Variants in C8orf48 observed in about 807,000 individuals in gnomAD.
C8orf48 encodes uncharacterized protein C8orf48.
For missense variants in C8orf48, 580 were observed against 363.3 expected (o/e 1.60, Z -4.85); for synonymous variants, 188 against 138.2 (o/e 1.36, Z -2.53).
chr8:13,568,217 A>G lies in C8orf48; in HGVS notation c.*266A>G, dbSNP rs1463358945. 1.2e-5 allele frequency: 4 copies of G among 329,612 alleles called. No homozygotes were observed. The East Asian group carries it at 1.8e-4, about 14-fold the overall frequency. 20.4% of individuals were successfully genotyped at this position (329,612 alleles called of 1,614,324 possible). The stretch of plus-strand genomic sequence containing the variant: ...TAGTATGGGGATGTAAGAGAAACTT[A>G]AAAAGTAATAACTGTCTTTGGCGAT... On this transcript the variant is annotated 3_prime_UTR_variant, in exon 1 of 1. Coordinates refer to ENST00000297324, the MANE Select transcript of C8orf48 (RefSeq NM_001007090.3).
In C8orf48 at chr8:13,567,584, A is replaced by T. The variant is rs778316337; in HGVS notation, c.593A>T (p.Gln198Leu). 5.8e-6 allele frequency: 9 copies of T among 1,551,666 alleles called. No homozygotes were observed. In the East Asian group the frequency reaches 2.2e-4, roughly 38 times the overall value. ...EAAAKQHISY[Q>L]CPYCNRKRAE... ...GCAGCTAAGCAACACATATCTTATCAGTGTCCCTATTGTAACAGGAAAAGA... is the reference window on the plus strand; with the variant it reads ...GCAGCTAAGCAACACATATCTTATCTGTGTCCCTATTGTAACAGGAAAAGA... Residue 198 changes from glutamine to leucine, a missense_variant, in exon 1 of 1, where the codon CAG (glutamine) becomes CTG (leucine). Physicochemically the swap from Gln to Leu is moderately radical, Grantham distance 113 (BLOSUM62 -2). Transcript: ENST00000297324.
In C8orf48 at chr8:13,567,120, A is replaced by G. The variant is rs533439710; in HGVS notation, c.129A>G (p.Gly43=). ...CCAGCTCATTCAGCTCCTCTGGAGG[A>G]CGGCAGTCCTCGCCCCTGACCTCTG... ...QTSSSFSSSG[G]RQSSPLTSGS... is the part of the protein sequence containing the mutation. Residue 43 remains glycine (G), a synonymous_variant, in exon 1 of 1, where the codon GGA becomes GGG. Transcript: ENST00000297324. 1.8e-5 allele frequency: 28 copies of G among 1,551,746 alleles called. No homozygotes were observed. In the African/African-American group the frequency reaches 3.6e-4, roughly 20 times the overall value.
chr8:13,567,624 G>A lies in C8orf48; in HGVS notation c.633G>A (p.Leu211=). ...YCNRKRAELA[L]SAFLKQKKTL... Reference sequence around the variant, plus strand: ...ACAGGAAAAGAGCGGAGCTGGCCCTGTCTGCCTTTCTGAAACAAAAGAAGA... The same window carrying A: ...ACAGGAAAAGAGCGGAGCTGGCCCTATCTGCCTTTCTGAAACAAAAGAAGA... The change falls in exon 1 of 1, where the codon CTG becomes CTA. Residue 211 remains leucine, a synonymous_variant. Coordinates refer to ENST00000297324, the MANE Select transcript of C8orf48 (RefSeq NM_001007090.3). The A allele has an allele frequency of 6.4e-7, 1 of 1,551,692 alleles. No individual in the cohort carries two copies.
Position 13,567,071 on chromosome 8 carries a change from A to G in C8orf48, c.80A>G (p.Asn27Ser). Residue 27 changes from asparagine (N) to serine (S), a missense_variant, in exon 1 of 1, where the codon AAC becomes AGC. By Grantham distance (46) the Asn-to-Ser change is conservative (BLOSUM62 1). Coordinates refer to ENST00000297324, the MANE Select transcript of C8orf48 (RefSeq NM_001007090.3). ...NLSDETETLK[N>S]STDEVQTSSS... The stretch of plus-strand genomic sequence containing the variant: ...TCTGATGAGACTGAGACTTTGAAGA[A>G]CTCTACTGATGAGGTACAGACTTCC... 1 of 1,551,694 alleles carries G rather than the reference A, an allele frequency of 6.4e-7. No homozygotes were observed. Among genetic ancestry groups the G allele is most frequent in the Non-Finnish European group, 8.7e-7 (1 of 1,146,994 alleles).
rs949471852 is a variant in C8orf48, at chr8:13,567,143, C to G, written c.152C>G (p.Ser51Cys). Residue 51 changes from serine to cysteine, a missense_variant, in exon 1 of 1, where the codon TCT becomes TGT. Physicochemically the swap from Ser to Cys is moderately radical, Grantham distance 112 (BLOSUM62 -1). Transcript: ENST00000297324. Reference protein sequence around the residue: ...SGGRQSSPLTSGSKLEREKQT... With the variant: ...SGGRQSSPLTCGSKLEREKQT... ...GGACGGCAGTCCTCGCCCCTGACCT[C>G]TGGGAGCAAACTGGAGAGGGAAAAG... 11 of 1,551,778 alleles carry G rather than the reference C, an allele frequency of 7.1e-6. No individual in the cohort carries two copies. The highest frequency in any genetic ancestry group is 9.6e-6 in the Non-Finnish European group (11 of 1,147,010).
In C8orf48 at chr8:13,567,387, G is replaced by A. The variant is rs1406761119; in HGVS notation, c.396G>A (p.Leu132=). 6.4e-7 allele frequency: 1 copy of A among 1,551,534 alleles called. No individual in the cohort carries two copies. The highest frequency in any genetic ancestry group is 2.4e-5 in the East Asian group (1 of 40,924). ...CTTATTGCACCATGAAGATAAATTT[G>A]ATTCATCGTAGAGGGGATTCTAAGA... ...LQSYCTMKIN[L]IHRRGDSKKK... Residue 132 remains leucine, a synonymous_variant, in exon 1 of 1, where the codon TTG becomes TTA. Transcript: ENST00000297324.
chr8:13,567,569 A>C lies in C8orf48; in HGVS notation c.578A>C (p.Gln193Pro), dbSNP rs748570647. 2 of 1,551,820 alleles carry C rather than the reference A, an allele frequency of 1.3e-6. No individual in the cohort carries two copies. The highest frequency in any genetic ancestry group is 2.4e-5 in the South Asian group (2 of 84,070). ...TTPKQEAAAK[Q>P]HISYQCPYCN... ...CCAAAACAGGAGGCAGCAGCTAAGCAACACATATCTTATCAGTGTCCCTAT... is the reference window on the plus strand; with the variant it reads ...CCAAAACAGGAGGCAGCAGCTAAGCCACACATATCTTATCAGTGTCCCTAT... The change falls in exon 1 of 1, where the codon CAA (glutamine) becomes CCA (proline). Residue 193 changes from glutamine (Q) to proline (P), a missense_variant. Gln to Pro is a moderately conservative substitution (Grantham distance 76). Coordinates refer to ENST00000297324, the MANE Select transcript of C8orf48 (RefSeq NM_001007090.3).
rs1265066499 is a variant in C8orf48 at position 13,568,264 on chromosome 8, T to C, written c.*313T>C. The C allele has an allele frequency of 4.2e-6, 1 of 238,808 alleles. No homozygotes were observed. Among genetic ancestry groups the C allele is most frequent in the Non-Finnish European group, 8.7e-6 (1 of 114,704 alleles). The allele number at this position is 238,808 out of a possible 1,614,324, so 14.8% of individuals were successfully genotyped here. A position where few individuals can be genotyped will look rare whatever the true frequency, so the allele number is the denominator to read the frequency against. On this transcript the variant is annotated 3_prime_UTR_variant, in exon 1 of 1. Coordinates refer to ENST00000297324, the MANE Select transcript of C8orf48 (RefSeq NM_001007090.3). ...CGATCAAATGGCTATGGGGAATTAA[T>C]AAATAGTAGATGTTTGAAATGTTAT...
In C8orf48 at chr8:13,567,616, C is replaced by G. The variant is rs1554544920; in HGVS notation, c.625C>G (p.Leu209Val). ...CPYCNRKRAE[L>V]ALSAFLKQKK... is the part of the protein sequence containing the mutation. ...CTATTGTAACAGGAAAAGAGCGGAGCTGGCCCTGTCTGCCTTTCTGAAACA... is the reference window on the plus strand; with the variant it reads ...CTATTGTAACAGGAAAAGAGCGGAGGTGGCCCTGTCTGCCTTTCTGAAACA... Residue 209 changes from leucine to valine, a missense_variant, in exon 1 of 1, where the codon CTG becomes GTG. Leu to Val is a conservative substitution (Grantham distance 32). Transcript: ENST00000297324. 4.6e-5 allele frequency: 71 copies of G among 1,551,590 alleles called. 3 individuals carry two copies. In the South Asian group the frequency reaches 8.3e-4, roughly 18 times the overall value.
the C8orf48 span, chr8:13,567,436 AAG>A: frequency 6.4e-7 from 1 of 1,551,994 alleles, no homozygotes; most frequent in Non-Finnish European, 8.7e-7. Flanking sequence ...CAGACATAAA[AAG>A]CTGCATCTTG....
In C8orf48 at chr8:13,567,005, C is replaced by T. The variant is rs1351490270; in HGVS notation, c.14C>T (p.Pro5Leu). The T allele has an allele frequency of 6.5e-7, 1 of 1,548,228 alleles. No homozygotes were observed. Among genetic ancestry groups the T allele is most frequent in the East Asian group, 2.4e-5 (1 of 40,844 alleles). Reference protein sequence around the residue: MAICPELAQTDKSAL... With the variant: MAICLELAQTDKSAL... ...TGATGCATTGTGATGGCCATCTGCCCAGAATTGGCCCAAACGGACAAAAGT... is the reference window on the plus strand; with the variant it reads ...TGATGCATTGTGATGGCCATCTGCCTAGAATTGGCCCAAACGGACAAAAGT... The change falls in exon 1 of 1, where the codon CCA (proline) becomes CTA (leucine). Residue 5 changes from proline to leucine, a missense_variant. Transcript: ENST00000297324.
In C8orf48 at chr8:13,568,145, A is replaced by G; in HGVS notation, c.*194A>G. On this transcript the variant is annotated 3_prime_UTR_variant, in exon 1 of 1. Coordinates refer to ENST00000297324, the MANE Select transcript of C8orf48 (RefSeq NM_001007090.3). ...AAAACTTTTACAAAATTCCAAGAGA[A>G]CTATGTTGGTAGTTTGGGCCAGGAT... The G allele has an allele frequency of 3.2e-6, 2 of 621,982 alleles. No homozygotes were observed. The highest frequency in any genetic ancestry group is 5.4e-5 in the South Asian group (2 of 36,932). 38.5% of individuals were successfully genotyped at this position (621,982 alleles called of 1,614,324 possible).
rs371576358 is a variant in C8orf48, at chr8:13,567,313, C to T, written c.322C>T (p.Pro108Ser). 3 of 1,551,726 alleles carry T rather than the reference C, an allele frequency of 1.9e-6. No individual in the cohort carries two copies. Among genetic ancestry groups the T allele is most frequent in the South Asian group, 2.4e-5 (2 of 84,058 alleles). Residue 108 changes from proline to serine, a missense_variant, in exon 1 of 1, where the codon CCA becomes TCA. Transcript: ENST00000297324. ...ACGGCACCAACCAGACACCAAACTT[C>T]CAACAGAAATCACTCGGGTATCAGA... ...FERHQPDTKLPTEITRVSDEE... is the reference protein window; with the variant it reads ...FERHQPDTKLSTEITRVSDEE...
rs769191641 is a variant in C8orf48, at chr8:13,567,154, C to G, written c.163C>G (p.Leu55Val). The G allele has an allele frequency of 2.2e-5, 34 of 1,551,600 alleles. No homozygotes were observed. The highest frequency in any genetic ancestry group is 2.7e-5 in the Non-Finnish European group (31 of 1,147,008). Residue 55 changes from leucine (L) to valine (V), a missense_variant, in exon 1 of 1, where the codon CTG (leucine) becomes GTG (valine). Transcript: ENST00000297324. The part of the protein sequence containing the change: ...QSSPLTSGSK[L>V]EREKQTPSLE... ...CTCGCCCCTGACCTCTGGGAGCAAA[C>G]TGGAGAGGGAAAAGCAGACTCCAAG...
chr8:13,568,178 G>T lies in C8orf48; in HGVS notation c.*227G>T. On this transcript the variant is annotated 3_prime_UTR_variant, in exon 1 of 1. Coordinates refer to ENST00000297324, the MANE Select transcript of C8orf48 (RefSeq NM_001007090.3). ...GGTAGTTTGGGCCAGGATGTTGATG[G>T]TACAGAAGCAAAGTAGTATGGGGAT... The T allele has an allele frequency of 2.1e-6, 1 of 475,920 alleles. No individual in the cohort carries two copies. Among genetic ancestry groups the T allele is most frequent in the Non-Finnish European group, 3.7e-6 (1 of 267,370 alleles). The allele number at this position is 475,920 out of a possible 1,614,324, so 29.5% of individuals were successfully genotyped here. A position where few individuals can be genotyped will look rare whatever the true frequency, so the allele number is the denominator to read the frequency against.
At position 13,568,079 on chromosome 8, in the gene C8orf48, T is replaced by C. The variant is rs1241616252; in HGVS notation, c.*128T>C. On this transcript the variant is annotated 3_prime_UTR_variant, in exon 1 of 1. Transcript: ENST00000297324. ...AGGACTAAGAACTTTCACTTTTTTT[T>C]TCCTATTATAGAAGGCACTGTTGTA... 9.3e-7 allele frequency: 1 copy of C among 1,078,328 alleles called. No individual in the cohort carries two copies. The highest frequency in any genetic ancestry group is 1.3e-6 in the Non-Finnish European group (1 of 767,674). The allele number at this position is 1,078,328 out of a possible 1,614,324, so 66.8% of individuals were successfully genotyped here.
At position 13,567,308 on chromosome 8, in the gene C8orf48, A is replaced by T; in HGVS notation, c.317A>T (p.Lys106Ile). 1 of 1,551,768 alleles carries T rather than the reference A, an allele frequency of 6.4e-7. No homozygotes were observed. Among genetic ancestry groups the T allele is most frequent in the African/African-American group, 1.4e-5 (1 of 73,172 alleles). The change falls in exon 1 of 1, where the codon AAA (lysine) becomes ATA (isoleucine). Residue 106 changes from lysine to isoleucine, a missense_variant. By Grantham distance (102) the Lys-to-Ile change is moderately radical (BLOSUM62 -3). Transcript: ENST00000297324. Reference sequence around the variant, plus strand: ...TTTGAACGGCACCAACCAGACACCAAACTTCCAACAGAAATCACTCGGGTA... The same window carrying T: ...TTTGAACGGCACCAACCAGACACCATACTTCCAACAGAAATCACTCGGGTA... The part of the protein sequence containing the change: ...SNFERHQPDT[K>I]LPTEITRVSD...
At position 13,567,192 on chromosome 8, in the gene C8orf48, A is replaced by G; in HGVS notation, c.201A>G (p.Gly67=). The change falls in exon 1 of 1, where the codon GGA becomes GGG. Residue 67 remains glycine, a synonymous_variant. Coordinates refer to ENST00000297324, the MANE Select transcript of C8orf48 (RefSeq NM_001007090.3). ...AGCAGACTCCAAGCTTGGAACAAGG[A>G]GACACACAATCTGAGCTTTTGGACT... ...REKQTPSLEQ[G]DTQSELLDYK... The G allele has an allele frequency of 1.3e-6, 2 of 1,551,844 alleles. No homozygotes were observed. Among genetic ancestry groups the G allele is most frequent in the Non-Finnish European group, 1.7e-6 (2 of 1,147,018 alleles).
chr8:13,567,010 T>C lies in C8orf48; in HGVS notation c.19T>C (p.Leu7=), dbSNP rs964988020. 1 of 1,549,714 alleles carries C rather than the reference T, an allele frequency of 6.5e-7. No homozygotes were observed. The highest frequency in any genetic ancestry group is 2.4e-5 in the East Asian group (1 of 40,858). ...CATTGTGATGGCCATCTGCCCAGAA[T>C]TGGCCCAAACGGACAAAAGTGCTCT... MAICPE[L]AQTDKSALAN... The change falls in exon 1 of 1, where the codon TTG becomes CTG. Residue 7 remains leucine (L), a synonymous_variant. Coordinates refer to ENST00000297324, the MANE Select transcript of C8orf48 (RefSeq NM_001007090.3).
Sources: allele counts gnomAD v4.1 joint callset, GRCh38; gene constraint gnomAD v4.1.1; transcripts MANE v1.5; gene names NCBI Gene and HGNC (gene_info 2026-07-23, HGNC 2026-07-21).